The following SUCLG2 variants were observed in gnomAD, a reference collection of about 807,000 sequenced individuals.
The protein encoded by SUCLG2 is succinate--CoA ligase [GDP-forming] subunit beta, mitochondrial.
Under a neutral mutation model 47.9 loss-of-function variants are expected in SUCLG2, and 42 were observed. The observed-to-expected ratio is 0.88, with a 90% CI of 0.69 to 1.14. The LOEUF (loss-of-function observed/expected upper bound fraction) is 1.14. SUCLG2 is among the 50% of genes most tolerant of loss of function. The pLI is 0.00. For synonymous variants in SUCLG2, 195 were observed against 197.3 expected (o/e 0.99, Z 0.10); for missense variants, 571 against 525.9 (o/e 1.09, Z -0.84).
chr3:67,489,072 T>C (rs936433002), intron 9 of SUCLG2, among the ~76,000 whole-genome samples: 8 of 152,128 alleles, frequency 5.3e-5, no homozygotes, highest in Non-Finnish European at 7.4e-5. Flanking sequence ...ATTTTGAGTG[T>C]TCTATTAGGG....
At position 67,512,083 on chromosome 3, in the gene SUCLG2, T is replaced by C. The variant is rs1705808680; in HGVS notation, c.661-3180A>G. 2.0e-5 allele frequency among the ~76,000 whole-genome samples: 3 copies of C among 151,306 alleles called. 1 individual carries two copies. Among genetic ancestry groups the C allele is most frequent in the African/African-American group, 7.4e-5 (3 of 40,622 alleles). On this transcript the variant is annotated intron_variant, in intron 6 of 10. Coordinates refer to ENST00000307227, the MANE Select transcript of SUCLG2 (RefSeq NM_003848.4). ...GTTACCCAGGCTGCTCTTGAATTCC[T>C]GGTCTCAAGCAATCCTCTTGTCTCA...
At chr3:67,399,404 G>T (rs772932232) in intron 10 of SUCLG2, among the ~76,000 whole-genome samples, 2 of 152,172 alleles carry the variant, frequency 1.3e-5, no homozygotes, top group Non-Finnish European at 2.9e-5. Flanking sequence ...ACACACTATA[G>T]TTGCTCAGAC....
At chr3:67,473,895 C>T (rs1206081120) in intron 9 of SUCLG2, among the ~76,000 whole-genome samples, 2 of 152,216 alleles carry the variant, frequency 1.3e-5, no homozygotes, top group African/African-American at 4.8e-5. Context: ...GAGGCTACTG[C>T]TGTTATCCTT....
intron 9 of SUCLG2, among the ~76,000 whole-genome samples, chr3:67,426,745 T>A (rs533940326): frequency 2.6e-5 from 4 of 152,080 alleles, no homozygotes; most frequent in African/African-American, 4.8e-5. Context: ...CTGGCCAACA[T>A]GGTGAAACCC....
At chr3:67,495,686 G>T in intron 9 of SUCLG2, 112 bp downstream of exon 9, 2 of 1,269,412 alleles carry the variant, frequency 1.6e-6, no homozygotes, top group Non-Finnish European at 2.2e-6. Context: ...TTGCATCTGG[G>T]GCTGCAGAGT....
At chr3:67,485,203 A>G (rs1026573747) in intron 9 of SUCLG2, among the ~76,000 whole-genome samples, 3 of 152,228 alleles carry the variant, frequency 2.0e-5, no homozygotes, top group Admixed American at 6.5e-5. Context: ...AACTAACTCA[A>G]ATTAGAAGTC....
intron 9 of SUCLG2, among the ~76,000 whole-genome samples, chr3:67,435,590 A>C (rs995336020): frequency 3.3e-5 from 5 of 152,196 alleles, no homozygotes; most frequent in African/African-American, 1.2e-4. Flanking sequence ...ATGGATTAAA[A>C]AGAATACACA....
intron 10 of SUCLG2, among the ~76,000 whole-genome samples, chr3:67,384,278 A>T (rs1490829726): frequency 6.6e-6 from 1 of 152,208 alleles, no homozygotes; most frequent in Non-Finnish European, 1.5e-5. Context: ...GGAGATTTAG[A>T]TAGAGATAAC....
chr3:67,407,150 G>T (rs1702831986), intron 9 of SUCLG2, among the ~76,000 whole-genome samples: 1 of 152,122 alleles, frequency 6.6e-6, no homozygotes, highest in African/African-American at 2.4e-5. Flanking sequence ...AAATAAGCAT[G>T]GTGTATTCCA....
In SUCLG2 at chr3:67,593,531, A is replaced by T. The variant is rs1307478987; in HGVS notation, c.226+15924T>A. ...TCCATCCAAAACACATCTCAAAGAC[A>T]TCAGCTCCACCACATCTCCCGTGTA... is the stretch of plus-strand genomic sequence containing the variant. On this transcript the variant is annotated intron_variant, in intron 2 of 10. Transcript: ENST00000307227. Among the ~76,000 whole-genome samples the T allele has an allele frequency of 2.6e-5, 4 of 152,234 alleles. No homozygotes were observed. The East Asian group carries it at 7.7e-4, about 29-fold the overall frequency.
intron 5 of SUCLG2, among the ~76,000 whole-genome samples, chr3:67,519,192 C>T (rs576735439): frequency 2.0e-5 from 3 of 152,228 alleles, no homozygotes; most frequent in Admixed American, 1.3e-4. Flanking sequence ...CATGTTAGGT[C>T]AACTGGCATG....
chr3:67,627,817 C>T lies in SUCLG2; in HGVS notation c.85-18221G>A, dbSNP rs78896430. The stretch of plus-strand genomic sequence containing the variant: ...CAGCACTCCCTGACCAGCCTTGGAG[C>T]CACTGAAACCAGCCAAGCAGCAGCC... On this transcript the variant is annotated intron_variant, in intron 1 of 10. Coordinates refer to ENST00000307227, the MANE Select transcript of SUCLG2 (RefSeq NM_003848.4). 4.8e-3 allele frequency among the ~76,000 whole-genome samples: 734 copies of T among 152,320 alleles called. 19 individuals carry two copies. In the East Asian group the frequency reaches 0.069, roughly 14 times the overall value.
chr3:67,525,185 A>T (rs1364698572), intron 4 of SUCLG2, among the ~76,000 whole-genome samples: 1 of 152,242 alleles, frequency 6.6e-6, no homozygotes, highest in Non-Finnish European at 1.5e-5. Flanking sequence ...GGCTTAACAT[A>T]ACAAAAAACC....
intron 2 of SUCLG2, among the ~76,000 whole-genome samples, chr3:67,537,599 T>G (rs1333459945): frequency 1.3e-5 from 2 of 152,202 alleles, no homozygotes; most frequent in African/African-American, 4.8e-5. Flanking sequence ...ATGGGATTGC[T>G]TGGTCAAATG....
intron 9 of SUCLG2, among the ~76,000 whole-genome samples, chr3:67,484,019 A>C (rs1026913857): frequency 6.6e-6 from 1 of 152,188 alleles, no homozygotes; most frequent in Non-Finnish European, 1.5e-5. Flanking sequence ...CTATTTGTTA[A>C]AAGAATTACC....
At position 67,568,659 on chromosome 3, in the gene SUCLG2, G is replaced by A. The variant is rs377358635; in HGVS notation, c.227-39473C>T. Among the ~76,000 whole-genome samples the A allele has an allele frequency of 2.1e-4, 32 of 152,204 alleles. No homozygotes were observed. The East Asian group carries it at 4.1e-3, about 19-fold the overall frequency. On this transcript the variant is annotated intron_variant, in intron 2 of 10. Transcript: ENST00000307227. ...TCCCAGCACTTTGGGAGGCCGAGGC[G>A]GGCGGATCACGAGGTCAGGAGATCG...
chr3:67,600,837 T>C (rs1024802952), intron 2 of SUCLG2, among the ~76,000 whole-genome samples: 1 of 151,908 alleles, frequency 6.6e-6, no homozygotes, highest in Non-Finnish European at 1.5e-5. Context: ...GACAGCAGAG[T>C]GAAAAACAAA....
chr3:67,518,825 A>G (rs1290259760), intron 5 of SUCLG2, among the ~76,000 whole-genome samples: 2 of 152,200 alleles, frequency 1.3e-5, no homozygotes, highest in African/African-American at 2.4e-5. Context: ...CACTGTCACT[A>G]TACATTATTT....
At chr3:67,590,049 T>C (rs1708118667) in intron 2 of SUCLG2, among the ~76,000 whole-genome samples, 1 of 152,174 alleles carries the variant, frequency 6.6e-6, no homozygotes, top group Non-Finnish European at 1.5e-5. Flanking sequence ...CCTCTATTTG[T>C]CCTTCTGCCT....
Sources: allele counts gnomAD v4.1 joint callset (sites outside exome capture counted in the v4.1 genomes callset), GRCh38; gene constraint gnomAD v4.1.1; transcripts MANE v1.5; gene names NCBI Gene and HGNC (gene_info 2026-07-23, HGNC 2026-07-21).